Variants in SLC26A5 observed in about 807,000 individuals in gnomAD.
The protein encoded by SLC26A5 is prestin.
A neutral mutation model predicts 81.0 loss-of-function variants in SLC26A5; 51 were observed. The observed-to-expected ratio is 0.63, with a 90% CI of 0.50 to 0.80. The LOEUF is 0.80. Ranked by LOEUF, SLC26A5 falls within the 30% of genes least tolerant of loss-of-function variation. The pLI is 0.00. For missense variants in SLC26A5, 771 were observed against 905.8 expected (o/e 0.85, Z 1.91); for synonymous variants, 325 against 332.8 (o/e 0.98, Z 0.25).
chr7:103,410,417 T>C lies in SLC26A5; in HGVS notation c.703A>G (p.Lys235Glu). Residue 235 changes from lysine to glutamate, a missense_variant, in exon 7 of 20, where the codon AAG (lysine) becomes GAG (glutamate). Lys to Glu is a moderately conservative substitution (Grantham distance 56). Coordinates refer to ENST00000306312, the MANE Select transcript of SLC26A5 (RefSeq NM_198999.3). Reference sequence around the variant, plus strand: ...ACGGAAAAGATTCCACTGTACCGCTTTGTTTTAACTCCAAACAGATATTTT... The same window carrying C: ...ACGGAAAAGATTCCACTGTACCGCTCTGTTTTAACTCCAAACAGATATTTT... Reference protein sequence around the residue: ...MLKYLFGVKTKRYSGIFSVVY... With the variant: ...MLKYLFGVKTERYSGIFSVVY... The C allele has an allele frequency of 6.2e-7, 1 of 1,614,174 alleles. No homozygotes were observed. The highest frequency in any genetic ancestry group is 8.5e-7 in the Non-Finnish European group (1 of 1,179,998).
chr7:103,389,150 G>C (rs777200172), intron 13 of SLC26A5, 36 bp from the exon 14 acceptor site: 1 of 1,488,048 alleles, frequency 6.7e-7, no homozygotes, highest in East Asian at 2.3e-5. Context: ...GGAGAACCAT[G>C]TTAAACATCC....
chr7:103,384,365 C>A (rs1157784773), intron 14 of SLC26A5, among the ~76,000 whole-genome samples: 6 of 152,014 alleles, frequency 3.9e-5, no homozygotes, highest in African/African-American at 1.4e-4. Context: ...CTAATCCCAG[C>A]ACTTTGGGAG....
intron 2 of SLC26A5, among the ~76,000 whole-genome samples, chr7:103,435,572 C>T (rs1826389407): frequency 6.6e-6 from 1 of 152,140 alleles, no homozygotes. Context: ...AGCCAGGGCC[C>T]ACCCTCTTTC....
At chr7:103,369,399 T>G (rs1412148780), downstream of SLC26A5, 3 of 152,252 alleles carry the variant, frequency 2.0e-5, no homozygotes, top group Non-Finnish European at 2.9e-5. Flanking sequence ...GAACACACTC[T>G]GAAGTCTTTC....
At chr7:103,365,967 G>A (rs1444211212) in intron 19 of SLC26A5, 1 of 848,260 alleles carries the variant, frequency 1.2e-6, no homozygotes, top group Admixed American at 2.7e-5. Context: ...GTAATAATGG[G>A]TGAGAATACT....
rs1820765857 is a variant in SLC26A5, at chr7:103,367,270, G to A, written c.2041+9538C>T. The A allele has an allele frequency of 1.5e-6, 1 of 660,336 alleles. No homozygotes were observed. Among genetic ancestry groups the A allele is most frequent in the Non-Finnish European group, 2.7e-6 (1 of 375,054 alleles). 40.9% of individuals were successfully genotyped at this position (660,336 alleles called of 1,614,324 possible). A position where few individuals can be genotyped will look rare whatever the true frequency, so the allele number is the denominator to read the frequency against. ...TAATTAGTTTTATATAAAGCAAGCT[G>A]TTCTTACAGGATTTGCTTCAAAGTG... On this transcript the variant is annotated intron_variant, in intron 19 of 19. Coordinates refer to the SLC26A5 transcript ENST00000339444. This position sits in a 1 kb window ranked among gnomAD's most constrained non-coding sequence, Gnocchi z 6.1.
At chr7:103,368,754 A>AG (rs2116283388) in intron 19 of SLC26A5, 2 of 152,232 alleles carry the variant, frequency 1.3e-5, no homozygotes, top group South Asian at 4.1e-4. Context: ...TAGTAAAAAA[A>AG]GAAAAAAAAA....
At position 103,374,299 on chromosome 7, in the gene SLC26A5, T is replaced by C; in HGVS notation, c.*100A>G. On this transcript the variant is annotated 3_prime_UTR_variant, in exon 20 of 20. Coordinates refer to ENST00000306312, the MANE Select transcript of SLC26A5 (RefSeq NM_198999.3). Reference sequence around the variant, plus strand: ...CCAAATCAAGCCTGGACTACTAGTATTCACCCTTAGAAAAAAAAATCTAGC... The same window carrying C: ...CCAAATCAAGCCTGGACTACTAGTACTCACCCTTAGAAAAAAAAATCTAGC... 2 of 1,547,388 alleles carry C rather than the reference T, an allele frequency of 1.3e-6. No individual in the cohort carries two copies. Among genetic ancestry groups the C allele is most frequent in the Non-Finnish European group, 1.7e-6 (2 of 1,147,286 alleles).
chr7:103,376,930 A>G, intron 18 of SLC26A5, 68 bp from the exon 19 acceptor site: 2 of 1,114,548 alleles, frequency 1.8e-6, no homozygotes, highest in South Asian at 1.3e-5. Context: ...TCTTTTTACC[A>G]ATGTTTTTCG....
intron 19 of SLC26A5, among the ~76,000 whole-genome samples, chr7:103,363,013 C>T (rs992513522): frequency 2.6e-5 from 4 of 152,220 alleles, no homozygotes; most frequent in South Asian, 4.1e-4. Context: ...AGACTGGTTT[C>T]GAACTCATGA....
chr7:103,380,537 T>G lies in SLC26A5; in HGVS notation c.1527A>C (p.Lys509Asn). The G allele has an allele frequency of 1.2e-6, 2 of 1,613,690 alleles. No individual in the cohort carries two copies. Among genetic ancestry groups the G allele is most frequent in the Non-Finnish European group, 1.7e-6 (2 of 1,179,654 alleles). Residue 509 changes from lysine (K) to asparagine (N), a missense_variant, in exon 15 of 20, where the codon AAA becomes AAC. Coordinates refer to ENST00000306312, the MANE Select transcript of SLC26A5 (RefSeq NM_198999.3). ...CAGTTTCAGGAAGCTTTCCAAGGAC[T>G]TTGTAGCTTGGACTGAAGATAAAGA... The part of the protein sequence containing the change: ...VIYRTQSPSY[K>N]VLGKLPETDV...
chr7:103,364,981 A>ATATATATATATATATTTATT (rs950613120), intron 19 of SLC26A5, among the ~76,000 whole-genome samples: 3 of 140,806 alleles, frequency 2.1e-5, no homozygotes, highest in African/African-American at 7.9e-5. Context: ...ATATATATAT[A>ATATATATATATATATTTATT]TATTTAGAGA....
At chr7:103,443,569 A>G (rs1827039561) in intron 1 of SLC26A5, among the ~76,000 whole-genome samples, 1 of 152,218 alleles carries the variant, frequency 6.6e-6, no homozygotes, top group African/African-American at 2.4e-5. Flanking sequence ...TTGCCTTGAA[A>G]AGAGCAAGAA....
chr7:103,412,764 TG>T (rs1341323033), intron 5 of SLC26A5, among the ~76,000 whole-genome samples: 1 of 152,086 alleles, frequency 6.6e-6, no homozygotes, highest in East Asian at 1.9e-4. Context: ...TTGGTCTGGC[TG>T]GTCTCGAACT....
intron 8 of SLC26A5, among the ~76,000 whole-genome samples, chr7:103,400,560 T>A (rs1407755215): frequency 6.6e-6 from 1 of 152,216 alleles, no homozygotes; most frequent in Non-Finnish European, 1.5e-5. Context: ...GTGCAGAAGC[T>A]CTTTAGTTTA....
chr7:103,375,455 C>T (rs916288908), intron 19 of SLC26A5, among the ~76,000 whole-genome samples: 23 of 152,094 alleles, frequency 1.5e-4, no homozygotes, highest in African/African-American at 4.3e-4. Context: ...TTTGTGCTCC[C>T]GTCAGTAATG....
chr7:103,430,122 A>C (rs1428923179), intron 2 of SLC26A5, among the ~76,000 whole-genome samples: 3 of 138,444 alleles, frequency 2.2e-5, no homozygotes, highest in African/African-American at 2.7e-5. Context: ...CTTGTAACCC[A>C]CCCTAAAGTG....
At chr7:103,372,726 G>A (rs1302284721), downstream of SLC26A5, among the ~76,000 whole-genome samples, 1 of 152,096 alleles carries the variant, frequency 6.6e-6, no homozygotes, top group Non-Finnish European at 1.5e-5. Context: ...GGTCTTTAAT[G>A]CTACTTCATG....
intron 4 of SLC26A5, 120 bp from the exon 5 acceptor site, chr7:103,413,232 C>T (rs1224925191): frequency 1.4e-6 from 1 of 723,978 alleles, no homozygotes; most frequent in Non-Finnish European, 2.5e-6. Context: ...ATTTAAGCTG[C>T]AACCTGCCCT....
Sources: gnomAD v4.1 joint callset for allele counts (sites outside exome capture counted in the v4.1 genomes callset) on GRCh38, gnomAD v4.1.1 for gene constraint, Gnocchi (gnomAD v3.1) non-coding constraint, MANE v1.5 for transcripts, NCBI Gene and HGNC (gene_info 2026-07-23, HGNC 2026-07-21) for gene names.